GRAMD1C: variants seen among roughly 807,000 people sequenced by gnomAD.
GRAMD1C encodes the protein GRAM domain containing 1C, also known as protein Aster-C.
Under a neutral mutation model 97.8 loss-of-function variants are expected in GRAMD1C, and 89 were observed. The observed-to-expected ratio is 0.91, with a 90% CI of 0.77 to 1.09. The LOEUF (loss-of-function observed/expected upper bound fraction) is 1.09. GRAMD1C is among the 50% of genes least tolerant of loss of function. The pLI is 0.00. For missense variants in GRAMD1C, 740 were observed against 766.4 expected (o/e 0.97, Z 0.41); for synonymous variants, 256 against 267.0 (o/e 0.96, Z 0.40).
chr3:113,830,132 G>A (rs368839798), intron 1 of GRAMD1C, among the ~76,000 whole-genome samples: 1 of 152,104 alleles, frequency 6.6e-6, no homozygotes, highest in Non-Finnish European at 1.5e-5. Flanking sequence ...CATAGCACAC[G>A]AAGAACTGGT....
intron 17 of GRAMD1C, among the ~76,000 whole-genome samples, chr3:113,942,999 G>C (rs1287317900): frequency 6.6e-6 from 1 of 152,154 alleles, no homozygotes; most frequent in East Asian, 1.9e-4. Context: ...TTGCATTACT[G>C]TTGTCTCCTT....
chr3:113,919,375 A>G, intron 10 of GRAMD1C: 2 of 502,386 alleles, frequency 4.0e-6, no homozygotes, highest in South Asian at 3.0e-5. Context: ...CAGGGAAGGT[A>G]AATGTAGCCT....
At chr3:113,936,548 C>A (rs1181696397) in intron 14 of GRAMD1C, 106 bp downstream of exon 14, 4 of 661,842 alleles carry the variant, frequency 6.0e-6, no homozygotes, top group Non-Finnish European at 1.0e-5. Context: ...CCTTTTCTTC[C>A]CTCCTTTTTG....
At chr3:113,885,893 C>A in intron 6 of GRAMD1C, 1 of 1,612,782 alleles carries the variant, frequency 6.2e-7, no homozygotes. Flanking sequence ...CAGACAATGC[C>A]ATCCCCATCA....
chr3:113,890,631 T>C (rs1012892839), intron 6 of GRAMD1C: 7 of 628,972 alleles, frequency 1.1e-5, no homozygotes, highest in African/African-American at 1.8e-5. Context: ...TACTAACTTG[T>C]TGAGTGCTCA....
intron 3 of GRAMD1C, among the ~76,000 whole-genome samples, chr3:113,872,655 A>G (rs973318086): frequency 6.6e-6 from 1 of 151,216 alleles, no homozygotes; most frequent in African/African-American, 2.4e-5. Flanking sequence ...TTGGCCTCCC[A>G]GAGTGCTGGG....
chr3:113,941,996 G>A lies in GRAMD1C; in HGVS notation c.1908+1651G>A, dbSNP rs544381632. ...AGTGGCATGAACACGGCTCACTGCA[G>A]CCTTGACCTCCTGGGCTCAAGCAAA... On this transcript the variant is annotated intron_variant, in intron 17 of 17. Coordinates refer to ENST00000358160, the MANE Select transcript of GRAMD1C (RefSeq NM_017577.5). 7.5e-4 allele frequency among the ~76,000 whole-genome samples: 113 copies of A among 150,972 alleles called. 4 individuals carry two copies. The highest frequency in any genetic ancestry group is 2.6e-3 in the African/African-American group (106 of 40,822).
At chr3:113,855,139 C>T (rs1934069392) in intron 2 of GRAMD1C, among the ~76,000 whole-genome samples, 2 of 152,008 alleles carry the variant, frequency 1.3e-5, no homozygotes, top group Admixed American at 1.3e-4. Flanking sequence ...TGGAGAAACC[C>T]TGTCTCTACT....
At chr3:113,922,215 G>A (rs116796857) in intron 10 of GRAMD1C, among the ~76,000 whole-genome samples, 2,053 of 152,052 alleles carry the variant, frequency 0.014, 17 homozygotes, top group Middle Eastern at 0.02. Context: ...GGGACTACAG[G>A]TGCACACTAC....
chr3:113,831,779 T>C (rs1709561148), intron 1 of GRAMD1C, among the ~76,000 whole-genome samples: 1 of 152,198 alleles, frequency 6.6e-6, no homozygotes, highest in South Asian at 2.1e-4. Context: ...GTTCCTTTTG[T>C]AATTTATATC....
chr3:113,840,501 C>G (rs1709756750), intron 1 of GRAMD1C, among the ~76,000 whole-genome samples: 1 of 151,742 alleles, frequency 6.6e-6, no homozygotes, highest in South Asian at 2.1e-4. Flanking sequence ...CTTTGGGAGG[C>G]CAAGGCAGAA....
chr3:113,850,395 GT>G (rs1193523241), intron 2 of GRAMD1C: 1 of 878,002 alleles, frequency 1.1e-6, no homozygotes, highest in Non-Finnish European at 1.9e-6. Context: ...AGTCTTGCAG[GT>G]CGCTCACCCT....
At chr3:113,886,007 C>A in intron 6 of GRAMD1C, 2 of 1,585,072 alleles carry the variant, frequency 1.3e-6, no homozygotes, top group East Asian at 2.3e-5. Context: ...TGAGCCGAAA[C>A]CTTCACCAAC....
chr3:113,845,939 CATT>C (rs948926790), intron 2 of GRAMD1C, among the ~76,000 whole-genome samples: 5 of 151,868 alleles, frequency 3.3e-5, no homozygotes, highest in Non-Finnish European at 5.9e-5. Context: ...AGAAACGTGA[CATT>C]ATAAGTTTTT....
intron 10 of GRAMD1C, among the ~76,000 whole-genome samples, chr3:113,920,364 G>T (rs1936996155): frequency 6.6e-6 from 1 of 152,126 alleles, no homozygotes; most frequent in Non-Finnish European, 1.5e-5. Flanking sequence ...ACGGTATAAT[G>T]AAATGTTCTC....
At chr3:113,864,272 C>G (rs1390080915) in intron 2 of GRAMD1C, among the ~76,000 whole-genome samples, 1 of 152,012 alleles carries the variant, frequency 6.6e-6, no homozygotes, top group Non-Finnish European at 1.5e-5. Context: ...CACCACCACG[C>G]TCGGCTAATT....
At chr3:113,881,078 G>A (rs1201866266) in intron 5 of GRAMD1C, among the ~76,000 whole-genome samples, 2 of 152,164 alleles carry the variant, frequency 1.3e-5, no homozygotes, top group South Asian at 2.1e-4. Flanking sequence ...GCGACTTAGA[G>A]GTATCATTAT....
At chr3:113,940,459 T>C (rs1448039653) in intron 17 of GRAMD1C, 114 bp downstream of exon 17, 2 of 624,616 alleles carry the variant, frequency 3.2e-6, no homozygotes, top group Non-Finnish European at 5.8e-6. Flanking sequence ...ATCCCCCTGC[T>C]AGAGCCAACT....
At chr3:113,876,686 C>T (rs1935050237) in intron 5 of GRAMD1C, among the ~76,000 whole-genome samples, 1 of 151,990 alleles carries the variant, frequency 6.6e-6, no homozygotes, top group Non-Finnish European at 1.5e-5. Context: ...CTTTAACTGA[C>T]ATAATTTTTA....
Sources: gnomAD v4.1 joint callset for allele counts (sites outside exome capture counted in the v4.1 genomes callset) on GRCh38, gnomAD v4.1.1 for gene constraint, MANE v1.5 for transcripts, NCBI Gene and HGNC (gene_info 2026-07-23, HGNC 2026-07-21) for gene names.